AGBL1: variants seen among roughly 807,000 people sequenced by gnomAD.
The protein encoded by AGBL1 is AGBL carboxypeptidase 1.
A neutral mutation model predicts 118.9 loss-of-function variants in AGBL1; 130 were observed. That is an observed-to-expected ratio of 1.09 (90% CI 0.95 to 1.26). The LOEUF is 1.26. Among genes scored for constraint, AGBL1 ranks in the 50% most tolerant of loss-of-function variants. The pLI is 0.00. For missense variants in AGBL1, 1,584 were observed against 1,298.1 expected, an observed-to-expected ratio of 1.22 and a Z score of -3.38; for synonymous variants, 555 against 478.9, an observed-to-expected ratio of 1.16 and a Z score of -2.08.
chr15:86,349,342 A>G (rs1011552019), intron 17 of AGBL1, among the ~76,000 whole-genome samples: 3 of 152,226 alleles, frequency 2.0e-5, no homozygotes, highest in African/African-American at 4.8e-5. Context: ...ATAACAAGGA[A>G]TTATATGATC....
chr15:86,160,824 G>A (rs973721383), intron 5 of AGBL1, among the ~76,000 whole-genome samples: 5 of 152,062 alleles, frequency 3.3e-5, no homozygotes, highest in Non-Finnish European at 5.9e-5. Context: ...ATGTTGTTTG[G>A]AAGGCTCCCC....
intron 6 of AGBL1, among the ~76,000 whole-genome samples, chr15:86,236,950 G>GC (rs2078559034): frequency 6.1e-5 from 1 of 16,420 alleles, no homozygotes; most frequent in Non-Finnish European, 1.2e-4. Context: ...GGCGGGGGGG[G>GC]GCGGGGGGGC....
intron 21 of AGBL1, among the ~76,000 whole-genome samples, chr15:86,565,543 TG>T (rs753770189): frequency 2.8e-4 from 42 of 152,318 alleles, no homozygotes; most frequent in Non-Finnish European, 4.7e-4. Context: ...CTGCCCCTAC[TG>T]GGGGGTGCCT....
At chr15:86,358,480 C>A (rs1319977245) in intron 17 of AGBL1, among the ~76,000 whole-genome samples, 1 of 151,990 alleles carries the variant, frequency 6.6e-6, no homozygotes, top group South Asian at 2.1e-4. Context: ...AATTATCTTG[C>A]AATAAACATG....
At chr15:86,808,616 T>C (rs2078748707) in intron 22 of AGBL1, among the ~76,000 whole-genome samples, 1 of 148,716 alleles carries the variant, frequency 6.7e-6, no homozygotes, top group African/African-American at 2.5e-5. Context: ...TTTCCTTCCT[T>C]CCCTTTCTTT....
chr15:86,351,397 T>C (rs2080624324), intron 17 of AGBL1, among the ~76,000 whole-genome samples: 1 of 152,168 alleles, frequency 6.6e-6, no homozygotes, highest in Admixed American at 6.5e-5. Flanking sequence ...AATATGGGTT[T>C]GGAGGGGACA....
rs543312493 is a variant in AGBL1, at chr15:86,780,857, G to C, written c.3158+106421G>C. ...TAATTTTTGTATTTTTAGTAGAGAC[G>C]TGGTTTCACCATGTTTGCCTGTCTG... On this transcript the variant is annotated intron_variant, in intron 22 of 22. Coordinates refer to ENST00000614907, the MANE Select transcript of AGBL1 (RefSeq NM_001386094.1). 2.6e-5 allele frequency among the ~76,000 whole-genome samples: 4 copies of C among 151,928 alleles called. No homozygotes were observed. In the South Asian group the frequency reaches 8.3e-4, roughly 32 times the overall value.
chr15:86,791,326 C>T (rs1201392220), intron 22 of AGBL1, among the ~76,000 whole-genome samples: 1 of 152,170 alleles, frequency 6.6e-6, no homozygotes, highest in Admixed American at 6.5e-5. Context: ...ATTTGTATGA[C>T]TTTGAATAAG....
intron 17 of AGBL1, among the ~76,000 whole-genome samples, chr15:86,329,115 CAG>C (rs2080231882): frequency 6.6e-6 from 1 of 152,096 alleles, no homozygotes; most frequent in Non-Finnish European, 1.5e-5. Flanking sequence ...ACGAGACTTG[CAG>C]CCAGGGCCAT....
chr15:86,171,920 C>T (rs752941519), intron 5 of AGBL1, among the ~76,000 whole-genome samples: 8 of 152,194 alleles, frequency 5.3e-5, no homozygotes, highest in Non-Finnish European at 8.8e-5. Flanking sequence ...GACTATTATT[C>T]TAAGTGAAGT....
chr15:86,295,959 T>G (rs1173109458), intron 17 of AGBL1: 1 of 154,656 alleles, frequency 6.5e-6, no homozygotes, highest in African/African-American at 2.4e-5. Flanking sequence ...TATGGACATA[T>G]AGACAAACAC....
intron 23 of AGBL1, among the ~76,000 whole-genome samples, chr15:86,961,270 C>A: frequency 6.6e-6 from 1 of 151,940 alleles, no homozygotes; most frequent in Non-Finnish European, 1.5e-5. Flanking sequence ...ATTGCTGCAA[C>A]CTCTGTTAGG....
At chr15:86,080,256 G>T (rs1217928168) in intron 1 of AGBL1, 2 of 369,310 alleles carry the variant, frequency 5.4e-6, no homozygotes, top group African/African-American at 4.2e-5. Flanking sequence ...ATCCTCGTGG[G>T]ATCAGAGGCT....
rs537775488 is a variant in AGBL1 at position 86,626,154 on chromosome 15, T to G, written c.2995-48119T>G. Among the ~76,000 whole-genome samples, 5 of 152,296 alleles carry G rather than the reference T, an allele frequency of 3.3e-5. No individual in the cohort carries two copies. The South Asian group carries it at 1.0e-3, about 32-fold the overall frequency. On this transcript the variant is annotated intron_variant, in intron 21 of 22. Transcript: ENST00000614907. ...CCGTTCGACCCAGCAATCCCATTAC[T>G]GAGTATATACCCAAAGGAATATAAA...
chr15:86,122,743 A>G (rs1898160986), intron 1 of AGBL1, among the ~76,000 whole-genome samples: 1 of 152,178 alleles, frequency 6.6e-6, no homozygotes, highest in Non-Finnish European at 1.5e-5. Flanking sequence ...AACTGAGTGG[A>G]CCCTTCCTCT....
At chr15:86,804,105 G>T (rs1416819152) in intron 22 of AGBL1, among the ~76,000 whole-genome samples, 1 of 152,088 alleles carries the variant, frequency 6.6e-6, no homozygotes, top group Non-Finnish European at 1.5e-5. Flanking sequence ...AAGGGATCAT[G>T]GGAAGTGACA....
At chr15:86,848,030 G>T (rs112261944) in intron 22 of AGBL1, among the ~76,000 whole-genome samples, 6 of 152,166 alleles carry the variant, frequency 3.9e-5, no homozygotes, top group African/African-American at 1.4e-4. Flanking sequence ...CTTAGTGTGG[G>T]GTGTTTTTTT....
chr15:86,542,380 T>G (rs1296982388), intron 19 of AGBL1, among the ~76,000 whole-genome samples: 1 of 89,636 alleles, frequency 1.1e-5, no homozygotes, highest in African/African-American at 4.6e-5. Flanking sequence ...TTTTTTTTTT[T>G]TTTGAGACAG....
At position 86,237,289 on chromosome 15, in the gene AGBL1, C is replaced by T. The variant is rs545370494; in HGVS notation, c.527-10382C>T. ...AAGCATTTGCTATTTGCCTCTTCCT[C>T]ATACACTCAGGGCCTAGAGGCACAA... On this transcript the variant is annotated intron_variant, in intron 6 of 22. Transcript: ENST00000614907. Among the ~76,000 whole-genome samples the T allele has an allele frequency of 5.7e-4, 87 of 152,288 alleles. 2 individuals carry two copies. The South Asian group carries it at 0.017, about 30-fold the overall frequency.
Sources: allele counts gnomAD v4.1 joint callset (sites outside exome capture counted in the v4.1 genomes callset), GRCh38; gene constraint gnomAD v4.1.1; transcripts MANE v1.5; gene names NCBI Gene and HGNC (gene_info 2026-07-23, HGNC 2026-07-21).